SLIT2: variants seen among roughly 807,000 people sequenced by gnomAD.
The protein encoded by SLIT2 is slit homolog 2 protein.
SLIT2 carries 41 observed loss-of-function variants against 185.7 expected under a neutral mutation model. That is an observed-to-expected ratio of 0.22 (90% CI 0.17 to 0.29). The LOEUF is 0.29. Among genes scored for constraint, SLIT2 ranks in the 10% least tolerant of loss-of-function variants. SLIT2 has a pLI of 1.00. For synonymous variants in SLIT2, 693 were observed against 680.2 expected (o/e 1.02, Z -0.29); for missense variants, 1,571 against 1,909.0 (o/e 0.82, Z 3.30).
At chr4:20,581,517 A>T (rs959009511) in intron 29 of SLIT2, among the ~76,000 whole-genome samples, 1 of 152,134 alleles carries the variant, frequency 6.6e-6, no homozygotes, top group Non-Finnish European at 1.5e-5. Flanking sequence ...GGTAATTCCC[A>T]ATATAGGTAC....
chr4:20,578,565 T>C (rs948551029), intron 29 of SLIT2, among the ~76,000 whole-genome samples: 2 of 152,182 alleles, frequency 1.3e-5, no homozygotes, highest in African/African-American at 4.8e-5. Flanking sequence ...CAGTATCAGC[T>C]CCAGTACCCT....
At chr4:20,617,414 A>G (rs1289985910) in intron 35 of SLIT2, 25 bp from the exon 36 acceptor site, 6 of 1,597,822 alleles carry the variant, frequency 3.8e-6, no homozygotes, top group Admixed American at 1.7e-5. Flanking sequence ...ATGCATTCCC[A>G]CTCCTGTGTT....
chr4:20,337,195 G>A (rs767844788), intron 4 of SLIT2, among the ~76,000 whole-genome samples: 14 of 152,150 alleles, frequency 9.2e-5, no homozygotes, highest in Non-Finnish European at 1.8e-4. Flanking sequence ...AGGAAAAAGG[G>A]TTTAATGGAC....
Position 20,431,089 on chromosome 4 carries a change from C to A in SLIT2, c.396-36663C>A, listed in dbSNP as rs1238739541. Among the ~76,000 whole-genome samples the A allele has an allele frequency of 2.0e-5, 3 of 152,218 alleles. No individual in the cohort carries two copies. In the East Asian group the frequency reaches 5.8e-4, roughly 29 times the overall value. On this transcript the variant is annotated intron_variant, in intron 4 of 36. Transcript: ENST00000504154. ...ATCCGATCTAAGGAATCTACACTTTCCTCATGTTTGTAATATTTTTCTCAG... is the reference window on the plus strand; with the variant it reads ...ATCCGATCTAAGGAATCTACACTTTACTCATGTTTGTAATATTTTTCTCAG...
At chr4:20,333,142 C>A (rs189573381) in intron 4 of SLIT2, among the ~76,000 whole-genome samples, 17 of 151,962 alleles carry the variant, frequency 1.1e-4, no homozygotes, top group Admixed American at 3.9e-4. Flanking sequence ...AGGAGAATAC[C>A]CTTATACATA....
At position 20,528,281 on chromosome 4, in the gene SLIT2, A is replaced by T. The variant is rs1721477815; in HGVS notation, c.1463-668A>T. The T allele has an allele frequency of 1.9e-6, 1 of 534,532 alleles. No individual in the cohort carries two copies. Among genetic ancestry groups the T allele is most frequent in the African/African-American group, 1.9e-5 (1 of 51,912 alleles). The allele number at this position is 534,532 out of a possible 1,614,324, so 33.1% of individuals were successfully genotyped here. A position where few individuals can be genotyped will look rare whatever the true frequency, so the allele number is the denominator to read the frequency against. On this transcript the variant is annotated intron_variant, in intron 15 of 36. Coordinates refer to ENST00000504154, the MANE Select transcript of SLIT2 (RefSeq NM_004787.4). This position sits in a 1 kb window ranked among gnomAD's most constrained non-coding sequence, Gnocchi z 4.2. ...TGGCCTAGTGGTTGGTGTAGTGATA[A>T]TGTAGCGAGATTTTCTGTTGTGCTT...
At chr4:20,441,506 C>T (rs1021962089) in intron 4 of SLIT2, among the ~76,000 whole-genome samples, 1 of 136,938 alleles carries the variant, frequency 7.3e-6, no homozygotes, top group Non-Finnish European at 1.6e-5. Context: ...CTCTCTCGCC[C>T]CCCCCCACTT....
At chr4:20,413,332 ATATTTCAATAT>A (rs2109435664) in intron 4 of SLIT2, among the ~76,000 whole-genome samples, 1 of 152,234 alleles carries the variant, frequency 6.6e-6, no homozygotes, top group African/African-American at 2.4e-5. Flanking sequence ...TTAAAATAAC[ATATTTCAATAT>A]TATTTCAATT....
chr4:20,377,894 A>G lies in SLIT2; in HGVS notation c.396-89858A>G, dbSNP rs144977373. Among the ~76,000 whole-genome samples, 329 of 152,256 alleles carry G rather than the reference A, an allele frequency of 2.2e-3. 1 individual carries two copies. The highest frequency in any genetic ancestry group is 7.3e-3 in the African/African-American group (305 of 41,564). ...CCTAGAATTTATATGCATAGTTTGT[A>G]CCATTATTTTAAAAATGAAGAATAA... On this transcript the variant is annotated intron_variant, in intron 4 of 36. Transcript: ENST00000504154.
intron 4 of SLIT2, among the ~76,000 whole-genome samples, chr4:20,380,440 G>A (rs2109340271): frequency 6.6e-6 from 1 of 151,966 alleles, no homozygotes; most frequent in African/African-American, 2.4e-5. Context: ...CATAAACAGA[G>A]GAAGTAAAAA....
chr4:20,594,555 T>C (rs1353657085), intron 30 of SLIT2, among the ~76,000 whole-genome samples: 3 of 151,994 alleles, frequency 2.0e-5, no homozygotes, highest in Non-Finnish European at 4.4e-5. Flanking sequence ...TCCTCATAGA[T>C]GGCCATACCT....
rs973619299 is a variant in SLIT2, at chr4:20,377,793, C to G, written c.396-89959C>G. ...GGTAGTTGGTTTCTCAGACTGCTCCCCTTAGTCCTGCCCATATCTAATAGG... is the reference window on the plus strand; with the variant it reads ...GGTAGTTGGTTTCTCAGACTGCTCCGCTTAGTCCTGCCCATATCTAATAGG... On this transcript the variant is annotated intron_variant, in intron 4 of 36. Coordinates refer to ENST00000504154, the MANE Select transcript of SLIT2 (RefSeq NM_004787.4). Among the ~76,000 whole-genome samples the G allele has an allele frequency of 3.9e-5, 6 of 152,110 alleles. No individual in the cohort carries two copies. In the East Asian group the frequency reaches 1.2e-3, roughly 29 times the overall value.
At chr4:20,463,515 A>G (rs141472525) in intron 4 of SLIT2, among the ~76,000 whole-genome samples, 4,579 of 112,214 alleles carry the variant, frequency 0.041, 157 homozygotes, top group African/African-American at 0.073. Context: ...ATATCCATAT[A>G]TGTGTGTGTG....
At chr4:20,609,958 C>T in intron 33 of SLIT2, 55 bp from the exon 34 acceptor site, 1 of 1,516,916 alleles carries the variant, frequency 6.6e-7, no homozygotes, top group Non-Finnish European at 8.9e-7. Context: ...AATTTAACTA[C>T]CTTGCTTTAA....
chr4:20,449,490 C>A (rs1712225035), intron 4 of SLIT2, among the ~76,000 whole-genome samples: 2 of 152,074 alleles, frequency 1.3e-5, no homozygotes. Context: ...CTCACTGCAA[C>A]CTCCGCCTCC....
rs1281627568 is a variant in SLIT2, at chr4:20,600,413, A to ATT, written c.3692+2043_3692+2044dup. On this transcript the variant is annotated intron_variant, in intron 33 of 36. Coordinates refer to ENST00000504154, the MANE Select transcript of SLIT2 (RefSeq NM_004787.4). ...ATTTATAAAGGGACTATTATGTTGCATTTTTTTTTTTTTTTTTTTTTTTTT... is the reference window on the plus strand; with the variant it reads ...ATTTATAAAGGGACTATTATGTTGCATTTTTTTTTTTTTTTTTTTTTTTTTTT... 5.1e-3 allele frequency among the ~76,000 whole-genome samples: 455 copies of ATT among 89,506 alleles called. 78 individuals are homozygous for ATT. The highest frequency in any genetic ancestry group is 0.023 in the African/African-American group (407 of 17,932). The allele number at this position is 89,506 out of a possible 152,430, so 58.7% of individuals were successfully genotyped here. A position where few individuals can be genotyped will look rare whatever the true frequency, so the allele number is the denominator to read the frequency against.
chr4:20,443,406 A>AG (rs1729917315), intron 4 of SLIT2, among the ~76,000 whole-genome samples: 9 of 152,076 alleles, frequency 5.9e-5, no homozygotes, highest in Admixed American at 5.9e-4. Context: ...TTGGTGCTTT[A>AG]GGGGACAAGG....
At chr4:20,266,354 G>A (rs999405541) in intron 3 of SLIT2, among the ~76,000 whole-genome samples, 50 of 151,958 alleles carry the variant, frequency 3.3e-4, no homozygotes, top group African/African-American at 1.2e-3. Context: ...GTGATGCCGA[G>A]AATCACATCA....
chr4:20,598,342 G>A lies in SLIT2; in HGVS notation c.3639G>A (p.Gly1213=). 1 of 1,614,082 alleles carries A rather than the reference G, an allele frequency of 6.2e-7. No homozygotes were observed. The highest frequency in any genetic ancestry group is 8.5e-7 in the Non-Finnish European group (1 of 1,179,970). ...ATATCGCGGTAGAACTCTATCGGGG[G>A]CGTGTTCGTGCCAGCTATGACACCG... ...KDHIAVELYR[G]RVRASYDTGS... Residue 1213 remains glycine, a synonymous_variant, in exon 33 of 37, where the codon GGG becomes GGA. Coordinates refer to ENST00000504154, the MANE Select transcript of SLIT2 (RefSeq NM_004787.4).
Sources: allele counts gnomAD v4.1 joint callset (sites outside exome capture counted in the v4.1 genomes callset), GRCh38; gene constraint gnomAD v4.1.1; non-coding constraint Gnocchi (gnomAD v3.1); transcripts MANE v1.5; gene names NCBI Gene and HGNC (gene_info 2026-07-23, HGNC 2026-07-21).